The following ROBO1 variants were observed in gnomAD, a reference collection of about 807,000 sequenced individuals.
ROBO1 encodes the protein roundabout guidance receptor 1.
ROBO1 carries 149 observed loss-of-function variants against 195.9 expected under a neutral mutation model. That is an observed-to-expected ratio of 0.76 (90% confidence interval 0.67 to 0.87). The LOEUF (loss-of-function observed/expected upper bound fraction) is 0.87. ROBO1 is among the 40% of genes least tolerant of loss of function. ROBO1 has a pLI of 0.00. For synonymous variants in ROBO1, 816 were observed against 733.2 expected, an observed-to-expected ratio of 1.11 and a Z score of -1.82; for missense variants, 1,933 against 2,068.3, an observed-to-expected ratio of 0.93 and a Z score of 1.27.
intron 2 of ROBO1, among the ~76,000 whole-genome samples, chr3:79,505,053 C>G (rs1297626226): frequency 6.6e-6 from 1 of 150,836 alleles, no homozygotes; most frequent in East Asian, 1.9e-4. Context: ...TTTGAATATT[C>G]AATCCCTTAA....
At chr3:78,663,443 ACACTTGATTGT>A (rs1400211686) in intron 14 of ROBO1, among the ~76,000 whole-genome samples, 1 of 152,052 alleles carries the variant, frequency 6.6e-6, no homozygotes, top group African/African-American at 2.4e-5. Context: ...TACGGAGTAA[ACACTTGATTGT>A]CACCTTTCCA....
chr3:78,934,673 C>T (rs2107664120), intron 4 of ROBO1, among the ~76,000 whole-genome samples: 2 of 151,972 alleles, frequency 1.3e-5, no homozygotes, highest in South Asian at 4.2e-4. Context: ...CTCAGGGATT[C>T]TCATCTATTC....
At chr3:79,407,945 C>T (rs900456514) in intron 2 of ROBO1, among the ~76,000 whole-genome samples, 1 of 152,038 alleles carries the variant, frequency 6.6e-6, no homozygotes, top group African/African-American at 2.4e-5. Context: ...ATAAACTAGA[C>T]ACTTATTTTT....
In ROBO1 at chr3:79,691,189, G is replaced by A. The variant is rs535803082; in HGVS notation, c.-51+76563C>T. Among the ~76,000 whole-genome samples, 12 of 151,754 alleles carry A rather than the reference G, an allele frequency of 7.9e-5. No individual in the cohort carries two copies. In the South Asian group the frequency reaches 2.3e-3, roughly 29 times the overall value. ...AGATGGTTTCTTTACCCAAATAATAGCCACCTAGCAGTGACATTTCTAATG... is the reference window on the plus strand; with the variant it reads ...AGATGGTTTCTTTACCCAAATAATAACCACCTAGCAGTGACATTTCTAATG... On this transcript the variant is annotated intron_variant, in intron 1 of 30. Coordinates refer to ENST00000464233, the MANE Select transcript of ROBO1 (RefSeq NM_002941.4).
Position 79,571,989 on chromosome 3 carries a change from C to T in ROBO1, c.88+17835G>A, listed in dbSNP as rs541001983. 4.6e-5 allele frequency among the ~76,000 whole-genome samples: 7 copies of T among 152,082 alleles called. No homozygotes were observed. In the East Asian group the frequency reaches 1.2e-3, roughly 25 times the overall value. On this transcript the variant is annotated intron_variant, in intron 2 of 30. Coordinates refer to ENST00000464233, the MANE Select transcript of ROBO1 (RefSeq NM_002941.4). ...AGTGGAATTAAAAAACACTATTTAACATGGAAGTCAAACTGTAAAATGAAA... is the reference window on the plus strand; with the variant it reads ...AGTGGAATTAAAAAACACTATTTAATATGGAAGTCAAACTGTAAAATGAAA...
intron 1 of ROBO1, among the ~76,000 whole-genome samples, chr3:79,718,019 A>G (rs753772983): frequency 6.6e-6 from 1 of 151,962 alleles, no homozygotes; most frequent in Non-Finnish European, 1.5e-5. Context: ...ACAAAGGAAA[A>G]AATAAATTAG....
chr3:78,894,980 T>G (rs17016577), intron 4 of ROBO1, among the ~76,000 whole-genome samples: 2,161 of 152,328 alleles, frequency 0.014, 61 homozygotes, highest in African/African-American at 0.05. Flanking sequence ...ATTGTTCCAT[T>G]CTTGAAGAAT....
At chr3:79,524,168 A>AGTGTGTGT (rs10663604) in intron 2 of ROBO1, among the ~76,000 whole-genome samples, 183 of 150,732 alleles carry the variant, frequency 1.2e-3, no homozygotes, top group Middle Eastern at 6.8e-3. Context: ...ATTTGAAGTA[A>AGTGTGTGT]GTGTGTGTGT....
Position 78,751,687 on chromosome 3 carries a change from C to T in ROBO1, c.500-4787G>A, listed in dbSNP as rs558677474. Among the ~76,000 whole-genome samples the T allele has an allele frequency of 3.3e-5, 5 of 152,150 alleles. No homozygotes were observed. In the South Asian group the frequency reaches 8.3e-4, roughly 25 times the overall value. On this transcript the variant is annotated intron_variant, in intron 4 of 30. Coordinates refer to ENST00000464233, the MANE Select transcript of ROBO1 (RefSeq NM_002941.4). ...GCTATCTTTGAATATATTCTGCATT[C>T]CTGTGTTTTTTCAGATTATTTTTCT... is the stretch of plus-strand genomic sequence containing the variant.
intron 2 of ROBO1, among the ~76,000 whole-genome samples, chr3:79,452,270 T>C (rs1262585391): frequency 1.3e-5 from 2 of 152,096 alleles, no homozygotes; most frequent in African/African-American, 2.4e-5. Context: ...TTTTTAACTT[T>C]TTAAAATAAA....
chr3:79,741,672 G>C (rs999120576), intron 1 of ROBO1, among the ~76,000 whole-genome samples: 6 of 152,122 alleles, frequency 3.9e-5, no homozygotes, highest in African/African-American at 1.2e-4. Flanking sequence ...TTTGGAACTG[G>C]GTAACAGGCA....
intron 8 of ROBO1, among the ~76,000 whole-genome samples, chr3:78,704,751 AG>A: frequency 6.6e-6 from 1 of 150,600 alleles, no homozygotes; most frequent in South Asian, 2.1e-4. Flanking sequence ...CTGAAGGGAG[AG>A]GATTGCTTCA....
At chr3:79,583,600 A>G (rs1434829086) in intron 2 of ROBO1, among the ~76,000 whole-genome samples, 3 of 152,000 alleles carry the variant, frequency 2.0e-5, no homozygotes, top group Admixed American at 6.6e-5. Context: ...ATCTTTCTTG[A>G]GTATCCAAGA....
chr3:79,116,241 ATAATT>A (rs956020189), intron 3 of ROBO1, among the ~76,000 whole-genome samples: 1 of 151,926 alleles, frequency 6.6e-6, no homozygotes, highest in African/African-American at 2.4e-5. Context: ...CTCTTCCTGT[ATAATT>A]TAATCTCTTT....
chr3:79,397,744 A>T (rs1449097471), intron 2 of ROBO1, among the ~76,000 whole-genome samples: 1 of 152,162 alleles, frequency 6.6e-6, no homozygotes, highest in Non-Finnish European at 1.5e-5. Context: ...GCAATTAATG[A>T]TAATAAAGTT....
intron 1 of ROBO1, among the ~76,000 whole-genome samples, chr3:79,684,496 A>G (rs1947041795): frequency 6.6e-6 from 1 of 152,074 alleles, no homozygotes; most frequent in African/African-American, 2.4e-5. Context: ...TTCTTTTAAT[A>G]TATTTAAAAT....
chr3:78,763,790 C>A (rs571162331), intron 4 of ROBO1, among the ~76,000 whole-genome samples: 1 of 152,304 alleles, frequency 6.6e-6, no homozygotes, highest in Non-Finnish European at 1.5e-5. Context: ...TCTACCCAAT[C>A]CATTCCCGAG....
At chr3:78,845,136 C>T (rs2033566616) in intron 4 of ROBO1, among the ~76,000 whole-genome samples, 1 of 151,892 alleles carries the variant, frequency 6.6e-6, no homozygotes, top group African/African-American at 2.4e-5. Context: ...AATAAGTAGC[C>T]ACTAACTACT....
chr3:79,197,571 G>A (rs1031245285), intron 2 of ROBO1, among the ~76,000 whole-genome samples: 4 of 152,026 alleles, frequency 2.6e-5, no homozygotes, highest in Non-Finnish European at 5.9e-5. Flanking sequence ...GGATTGCTGG[G>A]TCAAATGGAA....
Sources: gnomAD v4.1 joint callset for allele counts (sites outside exome capture counted in the v4.1 genomes callset) on GRCh38, gnomAD v4.1.1 for gene constraint, MANE v1.5 for transcripts, NCBI Gene and HGNC (gene_info 2026-07-23, HGNC 2026-07-21) for gene names.